SCRG1: variants seen among roughly 807,000 people sequenced by gnomAD.
SCRG1 encodes the protein scrapie-responsive protein 1.
In SCRG1, 3 loss-of-function variants were observed where a neutral mutation model predicts 7.7. The observed-to-expected ratio is 0.39, with a 90% CI of 0.18 to 1.01. The LOEUF is 1.01. SCRG1 is among the 50% of genes least tolerant of loss of function. The pLI, the probability that SCRG1 is intolerant of heterozygous loss-of-function variation, is 0.36. For synonymous variants in SCRG1, 46 were observed against 41.2 expected (o/e 1.12, Z -0.44); for missense variants, 110 against 117.2 (o/e 0.94, Z 0.28).
At chr4:173,508,800 G>A in the SCRG1 span, among the ~76,000 whole-genome samples, 2 of 152,178 alleles carry the variant, frequency 1.3e-5, no homozygotes, top group African/African-American at 4.8e-5. This position sits in a 1 kb window ranked among gnomAD's most constrained non-coding sequence, Gnocchi z 4.4. Flanking sequence ...ATCCTAGGTC[G>A]AGCCTGTGGG....
At chr4:173,449,082 G>C in the SCRG1 span, among the ~76,000 whole-genome samples, 1 of 152,300 alleles carries the variant, frequency 6.6e-6, no homozygotes, top group East Asian at 1.9e-4. Flanking sequence ...GTGTACATTT[G>C]GGAACTCCAA....
the SCRG1 span, among the ~76,000 whole-genome samples, chr4:173,453,331 T>C: frequency 2.0e-5 from 3 of 152,184 alleles, no homozygotes; most frequent in Non-Finnish European, 2.9e-5. Flanking sequence ...TGCAGAGACA[T>C]GGAAACCTCC....
chr4:173,483,949 T>TA, the SCRG1 span, among the ~76,000 whole-genome samples: 1 of 83,338 alleles, frequency 1.2e-5, no homozygotes, highest in Non-Finnish European at 2.1e-5. Context: ...ATAAATCATA[T>TA]ATAATATATT....
the SCRG1 span, among the ~76,000 whole-genome samples, chr4:173,456,428 A>C: frequency 9.2e-5 from 14 of 152,330 alleles, no homozygotes; most frequent in African/African-American, 3.4e-4. Context: ...TTAGAAAATC[A>C]TACGACACCC....
At chr4:173,422,859 A>G in the SCRG1 span, among the ~76,000 whole-genome samples, 1 of 152,324 alleles carries the variant, frequency 6.6e-6, no homozygotes, top group East Asian at 1.9e-4. Context: ...TGGACAATTA[A>G]AAATTACCTT....
At chr4:173,518,318 A>G in the SCRG1 span, among the ~76,000 whole-genome samples, 1 of 152,068 alleles carries the variant, frequency 6.6e-6, no homozygotes. Flanking sequence ...AGGGTGGGGG[A>G]CAGGGGGACG....
At chr4:173,431,753 T>A in the SCRG1 span, among the ~76,000 whole-genome samples, 1 of 152,210 alleles carries the variant, frequency 6.6e-6, no homozygotes, top group Non-Finnish European at 1.5e-5. Context: ...ATCTTCCCAA[T>A]GAATGGGACA....
the SCRG1 span, among the ~76,000 whole-genome samples, chr4:173,417,045 C>T: frequency 6.6e-6 from 1 of 150,958 alleles, no homozygotes; most frequent in Non-Finnish European, 1.5e-5. Context: ...ACACACACCC[C>T]ACACACAATC....
the SCRG1 span, among the ~76,000 whole-genome samples, chr4:173,505,663 C>T: frequency 6.6e-6 from 1 of 152,178 alleles, no homozygotes; most frequent in African/African-American, 2.4e-5. This position sits in a 1 kb window ranked among gnomAD's most constrained non-coding sequence, Gnocchi z 4.4. Context: ...CTCACTCCTC[C>T]TACCTTCTGC....
chr4:173,501,803 G>A, the SCRG1 span, among the ~76,000 whole-genome samples: 4 of 152,190 alleles, frequency 2.6e-5, no homozygotes, highest in Non-Finnish European at 5.9e-5. This position sits in a 1 kb window ranked among gnomAD's most constrained non-coding sequence, Gnocchi z 5.1. Context: ...AATCTCATAT[G>A]TGAGGCGGAA....
the SCRG1 span, among the ~76,000 whole-genome samples, chr4:173,436,659 G>A: frequency 6.6e-6 from 1 of 152,064 alleles, no homozygotes. Flanking sequence ...AAGTGCATAA[G>A]CTATTTGTGT....
At chr4:173,436,545 G>A in the SCRG1 span, among the ~76,000 whole-genome samples, 7 of 152,134 alleles carry the variant, frequency 4.6e-5, no homozygotes, top group Admixed American at 3.3e-4. Flanking sequence ...GGTCATAAAT[G>A]TTCTATTTTA....
At chr4:173,491,129 A>T in the SCRG1 span, among the ~76,000 whole-genome samples, 1 of 151,394 alleles carries the variant, frequency 6.6e-6, no homozygotes, top group Non-Finnish European at 1.5e-5. Flanking sequence ...TCTGGCTGGG[A>T]TGAGAGGCAC....
At position 173,385,478 on chromosome 4, in the gene SCRG1, A is replaced by G. The variant is rs1324718353; in HGVS notation, c.*2863T>C. 4 of 152,130 alleles carry G rather than the reference A, an allele frequency of 2.6e-5. No homozygotes were observed. The highest frequency in any genetic ancestry group is 9.7e-5 in the African/African-American group (4 of 41,434). 9.4% of individuals were successfully genotyped at this position (152,130 alleles called of 1,614,324 possible). Reference sequence around the variant, plus strand: ...GAGTGAGACTCAGTTTCAAAAAAAAAAAAAAATCTATTGTTTTTAAAAATG... The same window carrying G: ...GAGTGAGACTCAGTTTCAAAAAAAAGAAAAAATCTATTGTTTTTAAAAATG... On this transcript the variant is annotated 3_prime_UTR_variant, in exon 3 of 3. Transcript: ENST00000296506.
chr4:173,484,247 T>G, the SCRG1 span, among the ~76,000 whole-genome samples: 721 of 92,434 alleles, frequency 7.8e-3, 13 homozygotes, highest in East Asian at 0.055. Flanking sequence ...ATATATTATA[T>G]ATTTTCTATA....
chr4:173,496,113 T>G, the SCRG1 span, among the ~76,000 whole-genome samples: 1 of 152,092 alleles, frequency 6.6e-6, no homozygotes, highest in Non-Finnish European at 1.5e-5. Context: ...GTGAGAAAGA[T>G]TATAAAGAGC....
At chr4:173,499,509 T>C in the SCRG1 span, among the ~76,000 whole-genome samples, 1 of 152,154 alleles carries the variant, frequency 6.6e-6, no homozygotes, top group African/African-American at 2.4e-5. This position sits in a 1 kb window ranked among gnomAD's most constrained non-coding sequence, Gnocchi z 4.1. Flanking sequence ...TAGACTGAAA[T>C]TTAAAAAGTG....
At chr4:173,516,418 TA>T in the SCRG1 span, among the ~76,000 whole-genome samples, 1 of 152,204 alleles carries the variant, frequency 6.6e-6, no homozygotes, top group East Asian at 1.9e-4. Context: ...GAGCAATGAT[TA>T]TTTTCCTCCT....
chr4:173,480,045 C>G, the SCRG1 span, among the ~76,000 whole-genome samples: 1 of 152,026 alleles, frequency 6.6e-6, no homozygotes, highest in South Asian at 2.1e-4. Flanking sequence ...TCACAGCTCA[C>G]TACAGCCTCC....
Sources: allele counts gnomAD v4.1 joint callset (sites outside exome capture counted in the v4.1 genomes callset), GRCh38; gene constraint gnomAD v4.1.1; non-coding constraint Gnocchi (gnomAD v3.1); transcripts MANE v1.5; gene names NCBI Gene and HGNC (gene_info 2026-07-23, HGNC 2026-07-21).